The following ZIC1 variants were observed in gnomAD, a reference collection of about 807,000 sequenced individuals.
ZIC1 encodes the protein zinc finger protein ZIC 1.
In ZIC1, 4 loss-of-function variants were observed where a neutral mutation model predicts 30.9. That is an observed-to-expected ratio of 0.13 (90% CI 0.06 to 0.30). The LOEUF (loss-of-function observed/expected upper bound fraction) is 0.30. Among genes scored for constraint, ZIC1 ranks in the 10% least tolerant of loss-of-function variants. ZIC1 has a pLI of 1.00. For missense variants in ZIC1, 441 were observed against 639.3 expected (o/e 0.69, Z 3.34); for synonymous variants, 305 against 277.5 (o/e 1.10, Z -0.98).
Position 147,410,571 on chromosome 3 carries a change from C to T in ZIC1, c.459C>T (p.His153=). 1 of 1,612,072 alleles carries T rather than the reference C, an allele frequency of 6.2e-7. No individual in the cohort carries two copies. The highest frequency in any genetic ancestry group is 1.1e-5 in the South Asian group (1 of 90,942). Residue 153 remains histidine (H), a synonymous_variant, in exon 1 of 3, where the codon CAC becomes CAT. Transcript: ENST00000282928. ...GGCTTCACGAGCAGGCTGCCGGCCA[C>T]GCGTCGCCTAACGTGGTCAACGGGC... ...FPGLHEQAAG[H]ASPNVVNGQM... is the part of the protein sequence containing the mutation.
chr3:147,410,190 C>A lies in ZIC1; in HGVS notation c.78C>A (p.Gly26=). 6 of 1,600,700 alleles carry A rather than the reference C, an allele frequency of 3.7e-6. No homozygotes were observed. Among genetic ancestry groups the A allele is most frequent in the Admixed American group, 1.7e-5 (1 of 59,974 alleles). Residue 26 remains glycine (G), a synonymous_variant, in exon 1 of 3, where the codon GGC becomes GGA. Coordinates refer to ENST00000282928, the MANE Select transcript of ZIC1 (RefSeq NM_003412.4). Reference sequence around the variant, plus strand: ...GCGCGTCCCGCCACCACTCCGCGGGCGACGTGGCCGAACGAGACGTGGGCC... The same window carrying A: ...GCGCGTCCCGCCACCACTCCGCGGGAGACGTGGCCGAACGAGACGTGGGCC... ...TFGASRHHSA[G]DVAERDVGLG...
In ZIC1 at chr3:147,416,133, G is replaced by C. The variant is rs1335094033; in HGVS notation, c.*2582G>C. 3 of 152,218 alleles carry C rather than the reference G, an allele frequency of 2.0e-5. No individual in the cohort carries two copies. The highest frequency in any genetic ancestry group is 4.4e-5 in the Non-Finnish European group (3 of 68,036). 9.4% of individuals were successfully genotyped at this position (152,218 alleles called of 1,614,324 possible). A position where few individuals can be genotyped will look rare whatever the true frequency, so the allele number is the denominator to read the frequency against. On this transcript the variant is annotated 3_prime_UTR_variant, in exon 3 of 3. Coordinates refer to ENST00000282928, the MANE Select transcript of ZIC1 (RefSeq NM_003412.4). The stretch of plus-strand genomic sequence containing the variant: ...CTAGCCCCAATTGGTTTGGAAGTTT[G>C]AAACTGATTAACAGATTTGCATTTG...
chr3:147,410,945 G>T lies in ZIC1; in HGVS notation c.833G>T (p.Arg278Leu), dbSNP rs2107993278. The change falls in exon 1 of 3, where the codon CGC becomes CTC. Residue 278 changes from arginine to leucine, a missense_variant. Transcript: ENST00000282928. ...ATCTGCTTCTGGGAGGAGTGTCCGC[G>T]CGAGGGCAAGCCCTTCAAAGCCAAA... The part of the protein sequence containing the change: ...NHICFWEECP[R>L]EGKPFKAKYK... 6.2e-7 allele frequency: 1 copy of T among 1,614,266 alleles called. No homozygotes were observed. The highest frequency in any genetic ancestry group is 8.5e-7 in the Non-Finnish European group (1 of 1,180,046).
chr3:147,410,264 C>G lies in ZIC1; in HGVS notation c.152C>G (p.Pro51Arg), dbSNP rs750586893. 6 of 1,600,790 alleles carry G rather than the reference C, an allele frequency of 3.7e-6. No individual in the cohort carries two copies. Among genetic ancestry groups the G allele is most frequent in the Non-Finnish European group, 5.1e-6 (6 of 1,179,690 alleles). The change falls in exon 1 of 3, where the codon CCC becomes CGC. Residue 51 changes from proline (P) to arginine (R), a missense_variant. Around this residue, in one of 5 missense-constraint regions of ZIC1, gnomAD observed 307 missense variants for 355.3 expected, o/e 0.86. Coordinates refer to ENST00000282928, the MANE Select transcript of ZIC1 (RefSeq NM_003412.4). ...ADGMGAFKLN[P>R]SSHELASAGQ... ...GGCATGGGCGCCTTCAAGCTCAACCCCAGTTCGCACGAGCTGGCTTCGGCC... is the reference window on the plus strand; with the variant it reads ...GGCATGGGCGCCTTCAAGCTCAACCGCAGTTCGCACGAGCTGGCTTCGGCC...
chr3:147,412,725 C>T (rs1379996532), intron 2 of ZIC1, 44 bp downstream of exon 2: 2 of 1,589,614 alleles, frequency 1.3e-6, no homozygotes, highest in East Asian at 2.3e-5. Flanking sequence ...CAGGAGCTCT[C>T]TTGGCTCTCG....
rs376476564 is a variant in ZIC1, at chr3:147,410,577, G to T, written c.465G>T (p.Ser155=). The change falls in exon 1 of 3, where the codon TCG becomes TCT. Residue 155 remains serine (S), a synonymous_variant. Transcript: ENST00000282928. The part of the protein sequence containing the change: ...GLHEQAAGHA[S]PNVVNGQMRL... ...ACGAGCAGGCTGCCGGCCACGCGTC[G>T]CCTAACGTGGTCAACGGGCAGATGA... The T allele has an allele frequency of 4.2e-5, 68 of 1,612,358 alleles. No individual in the cohort carries two copies. The Middle Eastern group carries it at 8.2e-4, about 20-fold the overall frequency.
chr3:147,412,192 T>G (rs1396968040), intron 1 of ZIC1, among the ~76,000 whole-genome samples: 2 of 152,092 alleles, frequency 1.3e-5, no homozygotes, highest in African/African-American at 4.8e-5. Flanking sequence ...AGGAGCCAGG[T>G]GGAAGCAATC....
chr3:147,415,456 T>C lies in ZIC1; in HGVS notation c.*1905T>C, dbSNP rs1042857296. On this transcript the variant is annotated 3_prime_UTR_variant, in exon 3 of 3. Transcript: ENST00000282928. ...AGATTTGCAAGCTATGCTGCTTCCA[T>C]GAAGTTAGCTGCGCTGGTAGGAACG... 2.0e-5 allele frequency: 3 copies of C among 152,692 alleles called. No individual in the cohort carries two copies. Among genetic ancestry groups the C allele is most frequent in the Non-Finnish European group, 4.4e-5 (3 of 68,054 alleles). The allele number at this position is 152,692 out of a possible 1,614,324, so 9.5% of individuals were successfully genotyped here. A position where few individuals can be genotyped will look rare whatever the true frequency, so the allele number is the denominator to read the frequency against.
Position 147,410,266 on chromosome 3 carries a change from A to G in ZIC1, c.154A>G (p.Ser52Gly). The G allele has an allele frequency of 2.5e-6, 4 of 1,600,748 alleles. No individual in the cohort carries two copies. The highest frequency in any genetic ancestry group is 3.4e-6 in the Non-Finnish European group (4 of 1,179,640). The change falls in exon 1 of 3, where the codon AGT becomes GGT. Residue 52 changes from serine to glycine, a missense_variant. By Grantham distance (56) the Ser-to-Gly change is moderately conservative (BLOSUM62 0). Transcript: ENST00000282928. Reference sequence around the variant, plus strand: ...CATGGGCGCCTTCAAGCTCAACCCCAGTTCGCACGAGCTGGCTTCGGCCGG... The same window carrying G: ...CATGGGCGCCTTCAAGCTCAACCCCGGTTCGCACGAGCTGGCTTCGGCCGG... Reference protein sequence around the residue: ...DGMGAFKLNPSSHELASAGQT... With the variant: ...DGMGAFKLNPGSHELASAGQT...
At position 147,409,636 on chromosome 3, in the gene ZIC1, G is replaced by A. The variant is rs2087343682; in HGVS notation, c.-477G>A. ...AGAGAGAGAAAAGAAAGGGCGAGGG[G>A]CTAGTGGAGAAGTAAGGAGGGGCGC... On this transcript the variant is annotated 5_prime_UTR_variant, in exon 1 of 3. Transcript: ENST00000282928. 1 of 160,276 alleles carries A rather than the reference G, an allele frequency of 6.2e-6. No individual in the cohort carries two copies. Among genetic ancestry groups the A allele is most frequent in the South Asian group, 2.0e-4 (1 of 4,964 alleles). The allele number at this position is 160,276 out of a possible 1,614,324, so 9.9% of individuals were successfully genotyped here.
In ZIC1 at chr3:147,414,033, C is replaced by T. The variant is rs1360954147; in HGVS notation, c.*482C>T. The T allele has an allele frequency of 1.1e-4, 3 of 26,398 alleles. No individual in the cohort carries two copies. The highest frequency in any genetic ancestry group is 1.1e-3 in the Admixed American group (2 of 1,806). 1.6% of individuals were successfully genotyped at this position (26,398 alleles called of 1,614,324 possible). ...TTGCATTGGGGGAGGGGGGAGGGAC[C>T]GGATGGGCGGGGGGAGGGGGAGGGG... On this transcript the variant is annotated 3_prime_UTR_variant, in exon 3 of 3. Transcript: ENST00000282928.
At position 147,412,377 on chromosome 3, in the gene ZIC1, G is replaced by T. The variant is rs1046313401; in HGVS notation, c.983-141G>T. 4 of 890,176 alleles carry T rather than the reference G, an allele frequency of 4.5e-6. No homozygotes were observed. The South Asian group carries it at 4.8e-5, about 11-fold the overall frequency. The allele number at this position is 890,176 out of a possible 1,614,324, so 55.1% of individuals were successfully genotyped here. ...ACTGCAGATGTAAGAATTTATTGAC[G>T]TTCCGGGTTTTTAAGCTTGCAAAGT... On this transcript the variant is annotated intron_variant, in intron 1 of 2. Transcript: ENST00000282928.
At chr3:147,412,432 T>A in intron 1 of ZIC1, 86 bp from the exon 2 acceptor site, 1 of 1,539,838 alleles carries the variant, frequency 6.5e-7, no homozygotes. Flanking sequence ...CTTTTTGTTT[T>A]ATTTTTTTTC....
Position 147,412,873 on chromosome 3 carries a change from G to A in ZIC1, c.1146+192G>A, listed in dbSNP as rs187993623. The stretch of plus-strand genomic sequence containing the variant: ...AAAGGGGATGGGAGTGTCCAAGGCC[G>A]TTTTAAATTTTTGGTTTAATAATAA... On this transcript the variant is annotated intron_variant, in intron 2 of 2. Transcript: ENST00000282928. Among the ~76,000 whole-genome samples, 9 of 152,292 alleles carry A rather than the reference G, an allele frequency of 5.9e-5. No individual in the cohort carries two copies. The East Asian group carries it at 1.5e-3, about 26-fold the overall frequency.
Position 147,413,507 on chromosome 3 carries a change from G to T in ZIC1, c.1300G>T (p.Gly434Cys). The change falls in exon 3 of 3, where the codon GGC becomes TGC. Residue 434 changes from glycine to cysteine, a missense_variant. Around this residue, in one of 5 missense-constraint regions of ZIC1, gnomAD observed 56 missense variants for 52.5 expected, o/e 1.07. Coordinates refer to ENST00000282928, the MANE Select transcript of ZIC1 (RefSeq NM_003412.4). ...CTCCTCCGCAGTCCACCACACAGCC[G>T]GCCACAGTGCGCTCTCTTCCAATTT... Reference protein sequence around the residue: ...PSSSAVHHTAGHSALSSNFNE... With the variant: ...PSSSAVHHTACHSALSSNFNE... 6.2e-7 allele frequency: 1 copy of T among 1,614,044 alleles called. No individual in the cohort carries two copies. The highest frequency in any genetic ancestry group is 8.5e-7 in the Non-Finnish European group (1 of 1,180,016).
Position 147,415,510 on chromosome 3 carries a change from G to C in ZIC1, c.*1959G>C, listed in dbSNP as rs1190158159. On this transcript the variant is annotated 3_prime_UTR_variant, in exon 3 of 3. Transcript: ENST00000282928. Reference sequence around the variant, plus strand: ...GCTTCTTTGTCTCTGGTTGTAGCTTGCATGATCGCCCCATTAGGCAGACAA... The same window carrying C: ...GCTTCTTTGTCTCTGGTTGTAGCTTCCATGATCGCCCCATTAGGCAGACAA... 2 of 152,662 alleles carry C rather than the reference G, an allele frequency of 1.3e-5. No individual in the cohort carries two copies. The highest frequency in any genetic ancestry group is 4.8e-5 in the African/African-American group (2 of 41,454). The allele number at this position is 152,662 out of a possible 1,614,324, so 9.5% of individuals were successfully genotyped here.
Position 147,414,397 on chromosome 3 carries a change from C to T in ZIC1, c.*846C>T, listed in dbSNP as rs2087414620. 6.6e-6 allele frequency: 1 copy of T among 152,600 alleles called. No homozygotes were observed. Among genetic ancestry groups the T allele is most frequent in the South Asian group, 2.1e-4 (1 of 4,834 alleles). The allele number at this position is 152,600 out of a possible 1,614,324, so 9.5% of individuals were successfully genotyped here. A position where few individuals can be genotyped will look rare whatever the true frequency, so the allele number is the denominator to read the frequency against. ...TTACTTTTGGCAAAAGATACAACCA[C>T]ATAATGTATATAATTCCTAGTTTCC... On this transcript the variant is annotated 3_prime_UTR_variant, in exon 3 of 3. Coordinates refer to ENST00000282928, the MANE Select transcript of ZIC1 (RefSeq NM_003412.4).
chr3:147,410,777 A>G lies in ZIC1; in HGVS notation c.665A>G (p.Lys222Arg), dbSNP rs2087366257. The change falls in exon 1 of 3, where the codon AAG (lysine) becomes AGG (arginine). Residue 222 changes from lysine (K) to arginine (R), a missense_variant. Physicochemically the swap from Lys to Arg is conservative, Grantham distance 26. Coordinates refer to ENST00000282928, the MANE Select transcript of ZIC1 (RefSeq NM_003412.4). The part of the protein sequence containing the change: ...AFFRYMRQPI[K>R]QELICKWIEP... ...TTCCGCTACATGCGCCAACCCATCA[A>G]GCAAGAGCTCATCTGCAAGTGGATC... 6.2e-7 allele frequency: 1 copy of G among 1,614,120 alleles called. No homozygotes were observed. The highest frequency in any genetic ancestry group is 1.3e-5 in the African/African-American group (1 of 74,952).
At chr3:147,411,166 A>C in intron 1 of ZIC1, 72 bp downstream of exon 1, 1 of 1,535,130 alleles carries the variant, frequency 6.5e-7, no homozygotes, top group Non-Finnish European at 8.7e-7. Flanking sequence ...GTCAGCGGCC[A>C]GGTCGCACAA....
Sources: allele counts gnomAD v4.1 joint callset (sites outside exome capture counted in the v4.1 genomes callset), GRCh38; gene constraint gnomAD v4.1.1; regional missense constraint gnomAD v4.1.1; transcripts MANE v1.5; gene names NCBI Gene and HGNC (gene_info 2026-07-23, HGNC 2026-07-21).